The following DBX2 variants were observed in gnomAD, a reference collection of about 807,000 sequenced individuals.
DBX2 encodes homeobox protein DBX2.
A neutral mutation model predicts 17.7 loss-of-function variants in DBX2; 16 were observed. The ratio of observed to expected loss-of-function variants is 0.90; its 90% CI spans 0.61 to 1.37. The LOEUF (loss-of-function observed/expected upper bound fraction) is 1.37. Among genes scored for constraint, DBX2 ranks in the 40% most tolerant of loss-of-function variants. The pLI, the probability that DBX2 is intolerant of heterozygous loss-of-function variation, is 0.00. For synonymous variants in DBX2, 255 were observed against 183.8 expected (o/e 1.39, Z -3.13); for missense variants, 538 against 433.8 (o/e 1.24, Z -2.13).
At chr12:45,026,463 TA>T (rs1440970389) in intron 2 of DBX2, among the ~76,000 whole-genome samples, 1 of 152,178 alleles carries the variant, frequency 6.6e-6, no homozygotes, top group Non-Finnish European at 1.5e-5. Context: ...TTTACAGAAA[TA>T]AAATGAAACT....
intron 1 of DBX2, among the ~76,000 whole-genome samples, chr12:45,038,498 G>A (rs1475312188): frequency 6.6e-6 from 1 of 151,006 alleles, no homozygotes; most frequent in Non-Finnish European, 1.5e-5. Flanking sequence ...CAATATGTAT[G>A]CAATATGTGT....
At chr12:45,044,719 T>A (rs958481958) in intron 1 of DBX2, among the ~76,000 whole-genome samples, 11 of 152,170 alleles carry the variant, frequency 7.2e-5, no homozygotes, top group Admixed American at 3.3e-4. Context: ...TGATCTTTGG[T>A]TTCAGAGACA....
chr12:45,027,097 G>C (rs1490748486), intron 2 of DBX2, among the ~76,000 whole-genome samples: 1 of 152,110 alleles, frequency 6.6e-6, no homozygotes, highest in Non-Finnish European at 1.5e-5. Flanking sequence ...CCTTGGTTTG[G>C]ATATCAGCCC....
intron 2 of DBX2, among the ~76,000 whole-genome samples, chr12:45,033,865 C>G (rs1443643349): frequency 6.6e-6 from 1 of 152,010 alleles, no homozygotes; most frequent in Admixed American, 6.6e-5. Context: ...GGGATAAACA[C>G]TATAATTTAC....
At chr12:45,048,554 T>C (rs1040715181) in intron 1 of DBX2, among the ~76,000 whole-genome samples, 1 of 152,184 alleles carries the variant, frequency 6.6e-6, no homozygotes, top group African/African-American at 2.4e-5. Flanking sequence ...CCACATTTGG[T>C]AAGGCAAGAA....
At chr12:45,020,903 C>G (rs1234867649) in intron 3 of DBX2, among the ~76,000 whole-genome samples, 2 of 151,948 alleles carry the variant, frequency 1.3e-5, no homozygotes, top group African/African-American at 4.8e-5. Flanking sequence ...AAAATTCAAA[C>G]AAGCGCCATT....
chr12:45,032,019 CCACCCTTTACT>C (rs1217827398), intron 2 of DBX2, among the ~76,000 whole-genome samples: 1 of 152,018 alleles, frequency 6.6e-6, no homozygotes, highest in African/African-American at 2.4e-5. Flanking sequence ...CACCCTTCAC[CCACCCTTTACT>C]GCTTAAGAAC....
chr12:45,017,803 G>GT (rs959782206), intron 3 of DBX2, among the ~76,000 whole-genome samples: 1 of 152,062 alleles, frequency 6.6e-6, no homozygotes, highest in African/African-American at 2.4e-5. Flanking sequence ...AGCCAATCAT[G>GT]TTTTTTCCTG....
rs1359309507 is a variant in DBX2 at position 45,015,316 on chromosome 12, G to A, written c.*970C>T. 2 of 152,216 alleles carry A rather than the reference G, an allele frequency of 1.3e-5. No homozygotes were observed. Among genetic ancestry groups the A allele is most frequent in the East Asian group, 3.9e-4 (2 of 5,192 alleles). 9.4% of individuals were successfully genotyped at this position (152,216 alleles called of 1,614,324 possible). A position where few individuals can be genotyped will look rare whatever the true frequency, so the allele number is the denominator to read the frequency against. On this transcript the variant is annotated 3_prime_UTR_variant, in exon 4 of 4. Transcript: ENST00000332700. ...ACAGAAATCATCATTGATTCTGTTA[G>A]TATTGTGGTTTTAAGTCCAGTTAGA...
chr12:45,021,905 G>T (rs1404589800), intron 3 of DBX2, among the ~76,000 whole-genome samples: 3 of 130,518 alleles, frequency 2.3e-5, no homozygotes. Flanking sequence ...GCTTCCACGG[G>T]GTGTGGAAGC....
chr12:45,030,306 C>T (rs2137023867), intron 2 of DBX2, among the ~76,000 whole-genome samples: 2 of 152,028 alleles, frequency 1.3e-5, no homozygotes, highest in African/African-American at 2.4e-5. Flanking sequence ...ATAGCTGCAG[C>T]TCTGGCCTGT....
In DBX2 at chr12:45,050,689, G is replaced by A; in HGVS notation, c.239C>T (p.Pro80Leu). The change falls in exon 1 of 4, where the codon CCA (proline) becomes CTA (leucine). Residue 80 changes from proline (P) to leucine (L), a missense_variant. Pro to Leu is a moderately conservative substitution (Grantham distance 98, BLOSUM62 -3). Transcript: ENST00000332700. ...GAQLRPLPAS[P>L]VPLKLCPAAE... ...TGCGGGGCACAGCTTTAGGGGAACTGGGCTAGCAGGCAGGGGCCGGAGCTG... is the reference window on the plus strand; with the variant it reads ...TGCGGGGCACAGCTTTAGGGGAACTAGGCTAGCAGGCAGGGGCCGGAGCTG... The A allele has an allele frequency of 6.5e-7, 1 of 1,533,452 alleles. No homozygotes were observed. Among genetic ancestry groups the A allele is most frequent in the Non-Finnish European group, 8.8e-7 (1 of 1,140,158 alleles). 95.0% of individuals were successfully genotyped at this position (1,533,452 alleles called of 1,614,324 possible). A position where few individuals can be genotyped will look rare whatever the true frequency, so the allele number is the denominator to read the frequency against.
intron 1 of DBX2, among the ~76,000 whole-genome samples, chr12:45,043,130 CAGGAAGTGTAT>C (rs1946480732): frequency 6.6e-6 from 1 of 152,174 alleles, no homozygotes; most frequent in Non-Finnish European, 1.5e-5. Context: ...ACAGACCTAG[CAGGAAGTGTAT>C]CTGATATTGG....
chr12:45,042,317 A>G (rs929246600), intron 1 of DBX2, among the ~76,000 whole-genome samples: 2 of 152,224 alleles, frequency 1.3e-5, no homozygotes, highest in African/African-American at 4.8e-5. Flanking sequence ...AAAGAAAAGG[A>G]TATTTTAAGA....
At chr12:45,026,214 T>G (rs1946380770) in intron 2 of DBX2, among the ~76,000 whole-genome samples, 1 of 152,156 alleles carries the variant, frequency 6.6e-6, no homozygotes, top group South Asian at 2.1e-4. Context: ...TAGCTTGCTT[T>G]TTACCTGCCA....
intron 1 of DBX2, among the ~76,000 whole-genome samples, chr12:45,040,067 A>G (rs1449912644): frequency 6.6e-6 from 1 of 152,142 alleles, no homozygotes; most frequent in East Asian, 1.9e-4. Flanking sequence ...TGTGTCTGCA[A>G]GGGTGTTGCA....
At chr12:45,040,012 G>C (rs946099249) in intron 1 of DBX2, among the ~76,000 whole-genome samples, 1 of 152,166 alleles carries the variant, frequency 6.6e-6, no homozygotes, top group Admixed American at 6.5e-5. Context: ...TTAATACTGA[G>C]TGTCAACTTG....
In DBX2 at chr12:45,023,855, T is replaced by C; in HGVS notation, c.539A>G (p.Asn180Ser). 1 of 1,596,986 alleles carries C rather than the reference T, an allele frequency of 6.3e-7. No homozygotes were observed. The highest frequency in any genetic ancestry group is 8.5e-7 in the Non-Finnish European group (1 of 1,173,124). Residue 180 changes from asparagine (N) to serine (S), a missense_variant, in exon 3 of 4, where the codon AAT becomes AGT. Asn to Ser is a conservative substitution (Grantham distance 46). Coordinates refer to ENST00000332700, the MANE Select transcript of DBX2 (RefSeq NM_001004329.3). ...TAAAATGCCCCTCCGAGCTTTGGAA[T>C]TAGAGTCCTGTGTCAGGAGAGGCAG... is the stretch of plus-strand genomic sequence containing the variant. ...SMLPLLTQDS[N>S]SKARRGILRR...
intron 1 of DBX2, among the ~76,000 whole-genome samples, chr12:45,046,971 T>C (rs970315160): frequency 1.3e-5 from 2 of 152,196 alleles, no homozygotes; most frequent in African/African-American, 4.8e-5. Context: ...ATAGATTTAA[T>C]AAACAATAAA....
Sources: allele counts gnomAD v4.1 joint callset (sites outside exome capture counted in the v4.1 genomes callset), GRCh38; gene constraint gnomAD v4.1.1; transcripts MANE v1.5; gene names NCBI Gene and HGNC (gene_info 2026-07-23, HGNC 2026-07-21).